Variants in DNAJC13 observed in about 807,000 individuals in gnomAD.
DNAJC13 encodes DnaJ heat shock protein family (Hsp40) member C13.
DNAJC13 carries 75 observed loss-of-function variants against 290.5 expected under a neutral mutation model. The observed-to-expected ratio is 0.26, with a 90% confidence interval of 0.21 to 0.31. The LOEUF (loss-of-function observed/expected upper bound fraction) is 0.31. DNAJC13 is among the 10% of genes least tolerant of loss of function. DNAJC13 has a pLI of 1.00. For synonymous variants in DNAJC13, 862 were observed against 892.0 expected, an observed-to-expected ratio of 0.97 and a Z score of 0.60; for missense variants, 2,260 against 2,674.5, an observed-to-expected ratio of 0.85 and a Z score of 3.42.
In DNAJC13 at chr3:132,523,483, C is replaced by T. The variant is rs1262054330; in HGVS notation, c.5887-57C>T. 1.9e-6 allele frequency: 3 copies of T among 1,543,976 alleles called. No homozygotes were observed. In the East Asian group the frequency reaches 6.7e-5, roughly 35 times the overall value. ...ATAAACAATTCTTTAATATGGTGTG[C>T]ATTTCTAGCTTCAAGATTATTAAGT... On this transcript the variant is annotated intron_variant, in intron 50 of 55. Coordinates refer to ENST00000260818, the MANE Select transcript of DNAJC13 (RefSeq NM_015268.4).
At chr3:132,487,939 C>T (rs1003232408) in intron 29 of DNAJC13, among the ~76,000 whole-genome samples, 2 of 152,054 alleles carry the variant, frequency 1.3e-5, no homozygotes, top group Non-Finnish European at 2.9e-5. Flanking sequence ...CTCAAGAAGC[C>T]TTCAGGGGAT....
Position 132,477,874 on chromosome 3 carries a change from G to C in DNAJC13, c.2531G>C (p.Ser844Thr), listed in dbSNP as rs1232793810. 6.2e-7 allele frequency: 1 copy of C among 1,613,132 alleles called. No individual in the cohort carries two copies. Among genetic ancestry groups the C allele is most frequent in the Non-Finnish European group, 8.5e-7 (1 of 1,179,602 alleles). ...LLLEEDENEE[S>T]GSIKRSYEFF... ...TTGGAGGAAGATGAGAATGAAGAAA[G>C]TGGATCAATTAAGAGATCGTGAGCT... The change falls in exon 23 of 56, where the codon AGT becomes ACT. Residue 844 changes from serine to threonine, a missense_variant. Physicochemically the swap from Ser to Thr is moderately conservative, Grantham distance 58. Coordinates refer to ENST00000260818, the MANE Select transcript of DNAJC13 (RefSeq NM_015268.4).
Position 132,522,834 on chromosome 3 carries a change from A to G in DNAJC13, c.5680A>G (p.Ile1894Val). The G allele has an allele frequency of 6.2e-7, 1 of 1,605,570 alleles. No homozygotes were observed. Among genetic ancestry groups the G allele is most frequent in the African/African-American group, 1.3e-5 (1 of 74,454 alleles). Residue 1894 changes from isoleucine to valine, a missense_variant, in exon 49 of 56, where the codon ATT becomes GTT. Coordinates refer to ENST00000260818, the MANE Select transcript of DNAJC13 (RefSeq NM_015268.4). ...CTCAAACTTCCTCGTATAGGTTCGA[A>G]TTACGTTAATGAAATTTCTACCAAG... ...ADKLIGPKVR[I>V]TLMKFLPSVF...
chr3:132,527,135 C>A (rs1936283118), intron 53 of DNAJC13, among the ~76,000 whole-genome samples: 1 of 152,146 alleles, frequency 6.6e-6, no homozygotes, highest in Admixed American at 6.5e-5. Context: ...GGTAGATATG[C>A]TAATTAGCTT....
At chr3:132,432,319 CAGCCTCCCGGGT>C (rs1355841731) in intron 1 of DNAJC13, among the ~76,000 whole-genome samples, 2 of 152,110 alleles carry the variant, frequency 1.3e-5, no homozygotes, top group African/African-American at 2.4e-5. Context: ...TCCCCTGCCT[CAGCCTCCCGGGT>C]AGCTGGGATT....
chr3:132,439,469 C>T (rs770618345), intron 2 of DNAJC13, among the ~76,000 whole-genome samples: 14 of 151,476 alleles, frequency 9.2e-5, no homozygotes, highest in Non-Finnish European at 1.5e-4. Context: ...GCTCTTGACC[C>T]TGCCAGTCTT....
intron 55 of DNAJC13, 72 bp from the exon 56 acceptor site, chr3:132,538,104 A>T: frequency 7.8e-7 from 1 of 1,286,996 alleles, no homozygotes; most frequent in Non-Finnish European, 1.1e-6. Flanking sequence ...GCAGGTTCTG[A>T]CATTTTTATA....
intron 37 of DNAJC13, 121 bp from the exon 38 acceptor site, chr3:132,499,613 C>G (rs1415239882): frequency 3.3e-6 from 3 of 898,658 alleles, no homozygotes; most frequent in Non-Finnish European, 5.1e-6. Context: ...AAATGTTGAT[C>G]AAACATTTAT....
At chr3:132,468,472 C>T (rs754875652) in intron 20 of DNAJC13, among the ~76,000 whole-genome samples, 3 of 152,118 alleles carry the variant, frequency 2.0e-5, no homozygotes, top group Non-Finnish European at 4.4e-5. Flanking sequence ...TAATAGATTA[C>T]TGCTAATTTA....
intron 20 of DNAJC13, among the ~76,000 whole-genome samples, chr3:132,471,150 C>T (rs539723101): frequency 1.6e-5 from 2 of 127,556 alleles, no homozygotes; most frequent in South Asian, 5.5e-4. Context: ...GACGGGGTGG[C>T]TGGCCCGGCT....
Position 132,502,232 on chromosome 3 carries a change from C to CTT in DNAJC13, c.4537-42_4537-41dup, listed in dbSNP as rs11293788. On this transcript the variant is annotated intron_variant, in intron 39 of 55. Transcript: ENST00000260818. ...ATGCACAACCAGTTCCTCTTGGGAG[C>CTT]TTTTTTTTTTTTTTTTAACTCTGTA... The CTT allele has an allele frequency of 3.8e-5, 45 of 1,188,572 alleles. No homozygotes were observed. In the African/African-American group the frequency reaches 4.7e-4, roughly 12 times the overall value. 73.6% of individuals were successfully genotyped at this position (1,188,572 alleles called of 1,614,324 possible).
chr3:132,532,141 A>G (rs562828154), intron 55 of DNAJC13, among the ~76,000 whole-genome samples: 3 of 152,338 alleles, frequency 2.0e-5, no homozygotes, highest in African/African-American at 4.8e-5. Context: ...TAGTATATAA[A>G]AAGATGTCAG....
rs72992376 is a variant in DNAJC13, at chr3:132,499,980, T to C, written c.4416+172T>C. Among the ~76,000 whole-genome samples the C allele has an allele frequency of 0.019, 2,891 of 152,330 alleles. 102 individuals carry two copies. Among genetic ancestry groups the C allele is most frequent in the African/African-American group, 0.065 (2,719 of 41,560 alleles). ...GTGGTGGCCTGAGAGTATGTTTTTA[T>C]AACAAGTTTCCAAGTGTCATTGATG... On this transcript the variant is annotated intron_variant, in intron 38 of 55. Coordinates refer to ENST00000260818, the MANE Select transcript of DNAJC13 (RefSeq NM_015268.4).
At chr3:132,475,229 C>G in intron 22 of DNAJC13, 144 bp downstream of exon 22, 1 of 540,648 alleles carries the variant, frequency 1.8e-6, no homozygotes, top group Non-Finnish European at 2.8e-6. Flanking sequence ...TACTGGAAAA[C>G]TTTAATCTGT....
At chr3:132,494,014 T>A (rs749183495) in intron 33 of DNAJC13, 130 bp from the exon 34 acceptor site, 2 of 666,362 alleles carry the variant, frequency 3.0e-6, no homozygotes, top group Non-Finnish European at 5.0e-6. Flanking sequence ...TTATTTGTAT[T>A]TCAGAAAGCT....
intron 1 of DNAJC13, 66 bp from the exon 2 acceptor site, chr3:132,434,472 G>C (rs1939326317): frequency 1.7e-6 from 2 of 1,150,398 alleles, no homozygotes; most frequent in Non-Finnish European, 2.5e-6. Flanking sequence ...ACCTTTCTTA[G>C]GGGAATCTTG....
At position 132,507,246 on chromosome 3, in the gene DNAJC13, G is replaced by C. The variant is rs1166271846; in HGVS notation, c.5008G>C (p.Asp1670His). The change falls in exon 43 of 56, where the codon GAC becomes CAC. Residue 1670 changes from aspartate (D) to histidine (H), a missense_variant. Physicochemically the swap from Asp to His is moderately conservative, Grantham distance 81 (BLOSUM62 -1). Coordinates refer to ENST00000260818, the MANE Select transcript of DNAJC13 (RefSeq NM_015268.4). ...TTCATCTTTTAAAAAGGGTGATTGT[G>C]ACAAAACTTATGGATCAGAATTTGT... ...QENMIKKGDC[D>H]KTYGSEFVYS... 2 of 1,607,638 alleles carry C rather than the reference G, an allele frequency of 1.2e-6. No individual in the cohort carries two copies. The highest frequency in any genetic ancestry group is 1.7e-4 in the Middle Eastern group (1 of 6,042).
chr3:132,437,716 C>T (rs1483910267), intron 2 of DNAJC13, among the ~76,000 whole-genome samples: 4 of 152,062 alleles, frequency 2.6e-5, no homozygotes, highest in Non-Finnish European at 5.9e-5. Flanking sequence ...ATTATTATAG[C>T]TTTGTGCTGT....
chr3:132,512,979 A>G, intron 44 of DNAJC13, 29 bp from the exon 45 acceptor site: 2 of 1,570,424 alleles, frequency 1.3e-6, no homozygotes, highest in Admixed American at 3.3e-5. Flanking sequence ...CATCTCCTGG[A>G]AGTAAACCAT....
Sources: allele counts gnomAD v4.1 joint callset (sites outside exome capture counted in the v4.1 genomes callset), GRCh38; gene constraint gnomAD v4.1.1; transcripts MANE v1.5; gene names NCBI Gene and HGNC (gene_info 2026-07-23, HGNC 2026-07-21).